The following SLC17A4 variants were observed in gnomAD, a reference collection of about 807,000 sequenced individuals.
SLC17A4 encodes the protein solute carrier family 17 member 4, also known as probable small intestine urate exporter.
A neutral mutation model predicts 52.5 loss-of-function variants in SLC17A4; 33 were observed. The ratio of observed to expected loss-of-function variants is 0.63; its 90% CI spans 0.48 to 0.84. The LOEUF is 0.84. Among genes scored for constraint, SLC17A4 ranks in the 40% least tolerant of loss-of-function variants. The probability of loss-of-function intolerance (pLI) is 0.00; values close to 1 mark genes in which losing one functional copy is unlikely to be tolerated. For missense variants in SLC17A4, 585 were observed against 597.1 expected (o/e 0.98, Z 0.21); for synonymous variants, 225 against 216.2 (o/e 1.04, Z -0.36).
Position 25,779,173 on chromosome 6 carries a change from ATTCACCCACCT to A in SLC17A4, c.1480_1490del (p.Phe494LeufsTer13). Reference sequence around the variant, plus strand: ...TGCAGGACTGGGCTAAAGAGCAGACATTCACCCACCTCTGAGCAAACCGAGAGATGTGCTAG... The same window carrying A: ...TGCAGGACTGGGCTAAAGAGCAGACACTGAGCAAACCGAGAGATGTGCTAG... On this transcript the variant is annotated frameshift_variant, in exon 12 of 12. Transcript: ENST00000377905. LOFTEE classifies it high-confidence loss of function. The A allele has an allele frequency of 6.2e-7, 1 of 1,613,724 alleles. No homozygotes were observed.
intron 8 of SLC17A4, among the ~76,000 whole-genome samples, chr6:25,776,345 G>A (rs1762914419): frequency 6.7e-6 from 1 of 149,700 alleles, no homozygotes; most frequent in South Asian, 2.1e-4. Flanking sequence ...ACTGGGTTTT[G>A]GTCTTTTAAA....
At chr6:25,765,611 A>G (rs926261417) in intron 2 of SLC17A4, among the ~76,000 whole-genome samples, 6 of 152,242 alleles carry the variant, frequency 3.9e-5, no homozygotes, top group African/African-American at 1.4e-4. Context: ...AAGAATATGG[A>G]AGAAGTCCCA....
intron 1 of SLC17A4, 29 bp downstream of exon 1, chr6:25,754,810 A>G (rs1384429054): frequency 2.0e-5 from 3 of 152,084 alleles, no homozygotes; most frequent in Non-Finnish European, 4.4e-5. Context: ...TTTTACCCTT[A>G]ATATTCTGCT....
At chr6:25,777,892 T>C (rs373292811) in intron 10 of SLC17A4, 34 bp from the exon 11 acceptor site, 2 of 1,562,656 alleles carry the variant, frequency 1.3e-6, no homozygotes, top group African/African-American at 1.4e-5. Context: ...GTAGGTATAC[T>C]TGGTTATAAT....
At chr6:25,768,667 A>T (rs1762222095) in intron 2 of SLC17A4, among the ~76,000 whole-genome samples, 1 of 152,090 alleles carries the variant, frequency 6.6e-6, no homozygotes, top group Non-Finnish European at 1.5e-5. Context: ...GCTCCCAGCC[A>T]ATTCTTTCTC....
At chr6:25,757,331 G>A (rs918420831) in intron 1 of SLC17A4, among the ~76,000 whole-genome samples, 1 of 152,050 alleles carries the variant, frequency 6.6e-6, no homozygotes, top group African/African-American at 2.4e-5. Context: ...CATTTCACCA[G>A]CACCTACTGC....
At chr6:25,777,531 A>C (rs1763025498) in intron 10 of SLC17A4, 1 of 166,186 alleles carries the variant, frequency 6.0e-6, no homozygotes, top group Admixed American at 6.2e-5. Context: ...GAGGGTATAA[A>C]AGTTACAAGA....
chr6:25,760,728 T>C (rs995941250), intron 1 of SLC17A4, among the ~76,000 whole-genome samples: 18 of 152,310 alleles, frequency 1.2e-4, no homozygotes, highest in African/African-American at 4.3e-4. Context: ...TGCTAATTCT[T>C]TCATTAGCTA....
intron 1 of SLC17A4, among the ~76,000 whole-genome samples, chr6:25,759,851 C>A (rs907832362): frequency 6.6e-6 from 1 of 152,120 alleles, no homozygotes; most frequent in Non-Finnish European, 1.5e-5. Context: ...ATATATGTAT[C>A]CAATTCTTTG....
In SLC17A4 at chr6:25,776,725, T is replaced by C. The variant is rs1675206401; in HGVS notation, c.1118T>C (p.Ile373Thr). The change falls in exon 9 of 12, where the codon ATT becomes ACT. Residue 373 changes from isoleucine (I) to threonine (T), a missense_variant and splice_region_variant. Physicochemically the swap from Ile to Thr is moderately conservative, Grantham distance 89 (BLOSUM62 -1). Transcript: ENST00000377905. ...ACCATCAGGAAACTCTTCACTGCCA[T>C]TGGTAAGGGAGAGACTGGACACAGG... is the stretch of plus-strand genomic sequence containing the variant. ...LITIRKLFTA[I>T]GVLFPSVILV... 1.9e-6 allele frequency: 3 copies of C among 1,613,822 alleles called. No individual in the cohort carries two copies. Among genetic ancestry groups the C allele is most frequent in the East Asian group, 4.5e-5 (2 of 44,874 alleles).
chr6:25,763,866 C>A (rs1452614716), intron 2 of SLC17A4, among the ~76,000 whole-genome samples: 1 of 152,150 alleles, frequency 6.6e-6, no homozygotes, highest in Non-Finnish European at 1.5e-5. Context: ...CCATGAGCTT[C>A]TTTCTGTATC....
At chr6:25,758,077 C>T (rs1761178747) in intron 1 of SLC17A4, among the ~76,000 whole-genome samples, 2 of 152,248 alleles carry the variant, frequency 1.3e-5, no homozygotes, top group South Asian at 2.1e-4. Context: ...GTGGTGTAGA[C>T]CTTTGCTGTG....
At chr6:25,767,780 C>T (rs755218984) in intron 2 of SLC17A4, among the ~76,000 whole-genome samples, 59 of 152,004 alleles carry the variant, frequency 3.9e-4, no homozygotes, top group Non-Finnish European at 7.1e-4. Flanking sequence ...ATTAAATTAC[C>T]CAGGAGAATG....
In SLC17A4 at chr6:25,773,262, C is replaced by A; in HGVS notation, c.707-13C>A. 1 of 1,599,684 alleles carries A rather than the reference C, an allele frequency of 6.3e-7. No homozygotes were observed. Among genetic ancestry groups the A allele is most frequent in the Non-Finnish European group, 8.6e-7 (1 of 1,166,966 alleles). On this transcript the variant is annotated splice_polypyrimidine_tract_variant and intron_variant, in intron 6 of 11. Coordinates refer to ENST00000377905, the MANE Select transcript of SLC17A4 (RefSeq NM_005495.3). ...TCAATCCATCCAGTGCTAACTGGAT[C>A]CCCTTTTCCTAGGAGGAATTGGCTG... is the stretch of plus-strand genomic sequence containing the variant.
intron 1 of SLC17A4, among the ~76,000 whole-genome samples, chr6:25,758,458 G>A (rs1487680698): frequency 3.3e-5 from 5 of 152,136 alleles, no homozygotes; most frequent in South Asian, 4.1e-4. Context: ...CTGCATGGCC[G>A]TTCCTACCCT....
chr6:25,764,789 C>T (rs145303493), intron 2 of SLC17A4, among the ~76,000 whole-genome samples: 226 of 152,314 alleles, frequency 1.5e-3, no homozygotes, highest in African/African-American at 4.7e-3. Flanking sequence ...TTTCCCCTCA[C>T]GCTTCACTGG....
At chr6:25,770,004 C>A in intron 3 of SLC17A4, 63 bp from the exon 4 acceptor site, 1 of 1,478,530 alleles carries the variant, frequency 6.8e-7, no homozygotes, top group South Asian at 1.2e-5. Flanking sequence ...CCTCTCAAGT[C>A]CTCACAATGA....
At chr6:25,776,788 T>C (rs370885769) in intron 9 of SLC17A4, 24 bp from the exon 10 acceptor site, 1 of 1,614,010 alleles carries the variant, frequency 6.2e-7, no homozygotes, top group Admixed American at 1.7e-5. Flanking sequence ...TTCAGTTTAC[T>C]CTGTGTTTGT....
chr6:25,765,468 T>C (rs1761934073), intron 2 of SLC17A4, among the ~76,000 whole-genome samples: 1 of 152,220 alleles, frequency 6.6e-6, no homozygotes, highest in South Asian at 2.1e-4. Flanking sequence ...GTTGTTAGCT[T>C]TTACATCACA....
Sources: gnomAD v4.1 joint callset for allele counts (sites outside exome capture counted in the v4.1 genomes callset) on GRCh38, gnomAD v4.1.1 for gene constraint, MANE v1.5 for transcripts, NCBI Gene and HGNC (gene_info 2026-07-23, HGNC 2026-07-21) for gene names.